CDK6: variants seen among roughly 807,000 people sequenced by gnomAD.
CDK6 encodes cyclin dependent kinase 6.
A neutral mutation model predicts 37.1 loss-of-function variants in CDK6; 6 were observed. The observed-to-expected ratio is 0.16, with a 90% CI of 0.09 to 0.32. The LOEUF (loss-of-function observed/expected upper bound fraction) is 0.32. Ranked by LOEUF, CDK6 falls within the 10% of genes least tolerant of loss-of-function variation. The probability of loss-of-function intolerance (pLI) is 1.00; values close to 1 mark genes in which losing one functional copy is unlikely to be tolerated. For missense variants in CDK6, 224 were observed against 418.9 expected, an observed-to-expected ratio of 0.53 and a Z score of 4.06; for synonymous variants, 160 against 161.3, an observed-to-expected ratio of 0.99 and a Z score of 0.06.
intron 3 of CDK6, among the ~76,000 whole-genome samples, chr7:92,736,935 A>G (rs945776498): frequency 1.2e-4 from 19 of 152,196 alleles, no homozygotes; most frequent in African/African-American, 3.9e-4. Context: ...TCACAGTTCA[A>G]TTTTAATGGC....
At chr7:92,739,992 A>T (rs1798880403) in intron 3 of CDK6, among the ~76,000 whole-genome samples, 1 of 152,154 alleles carries the variant, frequency 6.6e-6, no homozygotes, top group Admixed American at 6.5e-5. Context: ...ACCTGGGCTC[A>T]AGTAACTCTT....
chr7:92,751,641 C>G (rs1799190694), intron 3 of CDK6, among the ~76,000 whole-genome samples: 1 of 152,100 alleles, frequency 6.6e-6, no homozygotes, highest in Admixed American at 6.5e-5. Flanking sequence ...GTATGTATTC[C>G]TCAATGGTTG....
intron 2 of CDK6, among the ~76,000 whole-genome samples, chr7:92,832,587 T>C (rs948133938): frequency 5.3e-5 from 8 of 152,358 alleles, no homozygotes; most frequent in Non-Finnish European, 1.0e-4. Flanking sequence ...AAAAATATTA[T>C]GATGTTTCTG....
intron 3 of CDK6, among the ~76,000 whole-genome samples, chr7:92,746,285 G>C (rs979260124): frequency 8.6e-5 from 13 of 152,022 alleles, no homozygotes; most frequent in African/African-American, 2.2e-4. Flanking sequence ...AGTCTCAGTC[G>C]CTGAACATAT....
At chr7:92,640,724 A>G (rs1354470778) in intron 5 of CDK6, among the ~76,000 whole-genome samples, 1 of 152,182 alleles carries the variant, frequency 6.6e-6, no homozygotes, top group Non-Finnish European at 1.5e-5. Context: ...CCCTGGAGGG[A>G]AAATAAAGTA....
chr7:92,715,288 A>G (rs1798201991), intron 4 of CDK6, among the ~76,000 whole-genome samples: 1 of 150,580 alleles, frequency 6.6e-6, no homozygotes, highest in African/African-American at 2.5e-5. Flanking sequence ...CTGAAGTAGT[A>G]GAGCTTTTTC....
At chr7:92,737,834 T>G (rs1798823094) in intron 3 of CDK6, among the ~76,000 whole-genome samples, 1 of 152,186 alleles carries the variant, frequency 6.6e-6, no homozygotes. Context: ...AAAATGGTCT[T>G]TACAAGGGTT....
At chr7:92,823,443 TAAAAAAAAAAAAAAA>T (rs34132527) in intron 2 of CDK6, among the ~76,000 whole-genome samples, 2 of 74,842 alleles carry the variant, frequency 2.7e-5, no homozygotes, top group Admixed American at 1.5e-4. Context: ...TCTTAATATG[TAAAAAAAAAAAAAAA>T]AAAAAAAAAA....
intron 3 of CDK6, among the ~76,000 whole-genome samples, chr7:92,754,967 A>G (rs949348215): frequency 1.3e-5 from 2 of 151,984 alleles, no homozygotes; most frequent in Non-Finnish European, 2.9e-5. Context: ...AACAGAGTCC[A>G]TTTCCTTTCA....
In CDK6 at chr7:92,639,343, C is replaced by T. The variant is rs141535575; in HGVS notation, c.648-16257G>A. Among the ~76,000 whole-genome samples, 484 of 152,246 alleles carry T rather than the reference C, an allele frequency of 3.2e-3. 4 individuals carry two copies. The highest frequency in any genetic ancestry group is 0.01 in the African/African-American group (433 of 41,548). ...AGGACTATGGGGTAAACTCTTTTGA[C>T]GTAACTTGGTGACCAGATCCTTAGG... On this transcript the variant is annotated intron_variant, in intron 5 of 7. Coordinates refer to ENST00000424848, the MANE Select transcript of CDK6 (RefSeq NM_001145306.2).
At chr7:92,637,585 A>G (rs1227008055) in intron 5 of CDK6, among the ~76,000 whole-genome samples, 1 of 152,164 alleles carries the variant, frequency 6.6e-6, no homozygotes, top group Non-Finnish European at 1.5e-5. Context: ...TAATAATAAT[A>G]ATAAATTCAA....
At chr7:92,632,606 T>C (rs1397785347) in intron 5 of CDK6, among the ~76,000 whole-genome samples, 2 of 152,200 alleles carry the variant, frequency 1.3e-5, no homozygotes, top group Non-Finnish European at 2.9e-5. Context: ...AATAAAATTT[T>C]ACTGGCCCAA....
intron 5 of CDK6, among the ~76,000 whole-genome samples, chr7:92,668,115 A>G (rs932380591): frequency 1.3e-5 from 2 of 152,150 alleles, no homozygotes; most frequent in Admixed American, 1.3e-4. Context: ...TTTTTATACC[A>G]TATTTCTACT....
chr7:92,718,731 T>G (rs1798295433), intron 4 of CDK6, among the ~76,000 whole-genome samples: 1 of 152,240 alleles, frequency 6.6e-6, no homozygotes, highest in Non-Finnish European at 1.5e-5. Flanking sequence ...AGGGCTTCCC[T>G]GGCCCTTAGC....
At chr7:92,774,499 T>C (rs1799796876) in intron 3 of CDK6, among the ~76,000 whole-genome samples, 197 bp downstream of exon 3, 1 of 152,226 alleles carries the variant, frequency 6.6e-6, no homozygotes, top group Non-Finnish European at 1.5e-5. Flanking sequence ...AGAATACATA[T>C]GTCTGTACTT....
chr7:92,678,013 G>T (rs1404137661), intron 4 of CDK6, among the ~76,000 whole-genome samples: 8 of 152,210 alleles, frequency 5.3e-5, no homozygotes, highest in African/African-American at 1.9e-4. Context: ...TTTAAGTCAT[G>T]CATGAGCAGA....
At chr7:92,763,412 A>G (rs1186560326) in intron 3 of CDK6, among the ~76,000 whole-genome samples, 5 of 152,260 alleles carry the variant, frequency 3.3e-5, no homozygotes. Flanking sequence ...CTGTTAAATC[A>G]TTAGTGTATA....
intron 2 of CDK6, among the ~76,000 whole-genome samples, chr7:92,815,990 C>T (rs1801019961): frequency 6.6e-6 from 1 of 152,112 alleles, no homozygotes; most frequent in African/African-American, 2.4e-5. Context: ...GCAAAGCCTA[C>T]ATACACTAGA....
intron 2 of CDK6, among the ~76,000 whole-genome samples, chr7:92,804,093 C>T (rs1267409679): frequency 6.6e-6 from 1 of 151,992 alleles, no homozygotes; most frequent in Non-Finnish European, 1.5e-5. Flanking sequence ...CATAATATAC[C>T]AACCATATAC....
Sources: allele counts gnomAD v4.1 joint callset (sites outside exome capture counted in the v4.1 genomes callset), GRCh38; gene constraint gnomAD v4.1.1; transcripts MANE v1.5; gene names NCBI Gene and HGNC (gene_info 2026-07-23, HGNC 2026-07-21).